The following CTNND2 variants were observed in gnomAD, a reference collection of about 807,000 sequenced individuals.
The protein encoded by CTNND2 is catenin delta 2.
Under a neutral mutation model 144.4 loss-of-function variants are expected in CTNND2, and 22 were observed. The ratio of observed to expected loss-of-function variants is 0.15; its 90% CI spans 0.11 to 0.22. The LOEUF is 0.22. Among genes scored for constraint, CTNND2 ranks in the 10% least tolerant of loss-of-function variants. CTNND2 has a pLI of 1.00. For missense variants in CTNND2, 1,353 were observed against 1,618.8 expected (o/e 0.84, Z 2.82); for synonymous variants, 751 against 695.6 (o/e 1.08, Z -1.25).
At chr5:11,646,378 G>C (rs1782352733) in intron 2 of CTNND2, among the ~76,000 whole-genome samples, 1 of 152,196 alleles carries the variant, frequency 6.6e-6, no homozygotes. Context: ...CAAGACGGCA[G>C]ACAGCAAAGC....
chr5:11,501,165 C>G (rs377001928), intron 3 of CTNND2, among the ~76,000 whole-genome samples: 2 of 152,294 alleles, frequency 1.3e-5, no homozygotes, highest in South Asian at 2.1e-4. Context: ...AATATGGTTA[C>G]AAACACAGCT....
intron 2 of CTNND2, among the ~76,000 whole-genome samples, chr5:11,605,638 T>C (rs1285137916): frequency 6.6e-6 from 1 of 152,126 alleles, no homozygotes; most frequent in Non-Finnish European, 1.5e-5. Flanking sequence ...ATAGGAGTCA[T>C]AAAGAAATAG....
intron 12 of CTNND2, among the ~76,000 whole-genome samples, chr5:11,145,532 CAACT>C (rs971787398): frequency 5.9e-5 from 9 of 152,168 alleles, no homozygotes; most frequent in Non-Finnish European, 2.9e-5. Flanking sequence ...AAGACAGTGG[CAACT>C]AACTGAGGTT....
chr5:10,992,042 C>G (rs113468186), intron 19 of CTNND2, among the ~76,000 whole-genome samples: 5 of 152,062 alleles, frequency 3.3e-5, no homozygotes, highest in African/African-American at 1.2e-4. Flanking sequence ...CTCAGCCTCC[C>G]GAGTAGCTGG....
rs185395287 is a variant in CTNND2 at position 11,885,661 on chromosome 5, C to T, written c.37+18156G>A. 1.2e-3 allele frequency among the ~76,000 whole-genome samples: 186 copies of T among 152,224 alleles called. 1 individual carries two copies. Among genetic ancestry groups the T allele is most frequent in the Middle Eastern group, 3.4e-3 (1 of 294 alleles). On this transcript the variant is annotated intron_variant, in intron 1 of 21. Coordinates refer to ENST00000304623, the MANE Select transcript of CTNND2 (RefSeq NM_001332.4). The stretch of plus-strand genomic sequence containing the variant: ...AAACAAACACTGGAGTTAAACTACC[C>T]TCTGAACCAAACAGACCTAACTGAC...
chr5:11,846,322 C>T (rs974975930), intron 1 of CTNND2, among the ~76,000 whole-genome samples: 1 of 152,104 alleles, frequency 6.6e-6, no homozygotes, highest in African/African-American at 2.4e-5. Context: ...CAATCTTTGA[C>T]TTCATACTGT....
Position 11,404,961 on chromosome 5 carries a change from T to C in CTNND2, c.439+6575A>G, listed in dbSNP as rs1760974098. On this transcript the variant is annotated intron_variant, in intron 5 of 21. Coordinates refer to ENST00000304623, the MANE Select transcript of CTNND2 (RefSeq NM_001332.4). Reference sequence around the variant, plus strand: ...GAAATCCCTCAATACATCTTCATAATGTGTTACTGAGAGAGTCCTCTCCTT... The same window carrying C: ...GAAATCCCTCAATACATCTTCATAACGTGTTACTGAGAGAGTCCTCTCCTT... 2.0e-5 allele frequency among the ~76,000 whole-genome samples: 3 copies of C among 152,276 alleles called. No homozygotes were observed. The East Asian group carries it at 5.8e-4, about 29-fold the overall frequency.
chr5:11,670,111 G>A (rs2467001), intron 2 of CTNND2, among the ~76,000 whole-genome samples: 11,030 of 152,152 alleles, frequency 0.072, 1,348 homozygotes, highest in African/African-American at 0.25. Flanking sequence ...TGCGGTCTGA[G>A]TAACAGTTTG....
intron 1 of CTNND2, among the ~76,000 whole-genome samples, chr5:11,809,787 C>T (rs1341863115): frequency 6.6e-6 from 1 of 152,196 alleles, no homozygotes; most frequent in African/African-American, 2.4e-5. Context: ...TTGTCAAATG[C>T]ATGGTGCAGC....
chr5:10,979,010 G>A (rs535053341), intron 21 of CTNND2, among the ~76,000 whole-genome samples: 8 of 152,274 alleles, frequency 5.3e-5, no homozygotes, highest in South Asian at 2.1e-4. Flanking sequence ...ATGTCAGGGC[G>A]TTTCTTCAAT....
At chr5:11,500,568 C>G (rs763144856) in intron 3 of CTNND2, among the ~76,000 whole-genome samples, 5 of 152,084 alleles carry the variant, frequency 3.3e-5, no homozygotes, top group Non-Finnish European at 5.9e-5. Flanking sequence ...CCAAAAATAC[C>G]TAATCAAAAG....
chr5:11,433,128 C>T (rs1042021382), intron 3 of CTNND2, among the ~76,000 whole-genome samples: 2 of 151,902 alleles, frequency 1.3e-5, no homozygotes, highest in East Asian at 1.9e-4. Flanking sequence ...AGCCTGTAGT[C>T]CCAGCTACTT....
At chr5:11,261,226 A>G (rs1744826508) in intron 9 of CTNND2, among the ~76,000 whole-genome samples, 1 of 152,224 alleles carries the variant, frequency 6.6e-6, no homozygotes, top group Non-Finnish European at 1.5e-5. Flanking sequence ...CATTAGTGAC[A>G]GTGATATTGG....
intron 18 of CTNND2, among the ~76,000 whole-genome samples, chr5:11,005,598 G>T (rs1175510829): frequency 6.6e-6 from 1 of 152,150 alleles, no homozygotes; most frequent in Non-Finnish European, 1.5e-5. Context: ...AAGAAAGAAG[G>T]AAGTATTAGT....
rs1290383892 is a variant in CTNND2 at position 11,345,782 on chromosome 5, G to GA, written c.1628+589dup. Among the ~76,000 whole-genome samples the GA allele has an allele frequency of 2.9e-3, 420 of 143,796 alleles. 6 individuals are homozygous for GA. The highest frequency in any genetic ancestry group is 9.2e-3 in the African/African-American group (354 of 38,674). 94.3% of individuals were successfully genotyped at this position (143,796 alleles called of 152,430 possible). The stretch of plus-strand genomic sequence containing the variant: ...GCCACTGATGGAAAAAAGAAAGAAA[G>GA]AAAGAAAAAACAGCAACAACAACCA... On this transcript the variant is annotated intron_variant, in intron 9 of 21. Transcript: ENST00000304623.
chr5:11,166,967 G>T (rs2149780707), intron 11 of CTNND2, among the ~76,000 whole-genome samples: 1 of 152,304 alleles, frequency 6.6e-6, no homozygotes, highest in Non-Finnish European at 1.5e-5. Flanking sequence ...TGTAATAACA[G>T]CTCCTTAGGC....
intron 2 of CTNND2, among the ~76,000 whole-genome samples, chr5:11,729,349 A>T (rs9885508): frequency 0.096 from 14,585 of 152,166 alleles, 1,463 homozygotes; most frequent in African/African-American, 0.26. Context: ...GTAAAACACA[A>T]ATGCTAATCA....
intron 13 of CTNND2, among the ~76,000 whole-genome samples, chr5:11,114,594 C>T (rs1199804866): frequency 6.6e-6 from 1 of 152,126 alleles, no homozygotes; most frequent in African/African-American, 2.4e-5. Context: ...CCATTGCTGT[C>T]AGCAGTGCTT....
At position 11,747,227 on chromosome 5, in the gene CTNND2, T is replaced by C. The variant is rs73743223; in HGVS notation, c.38-14955A>G. Among the ~76,000 whole-genome samples, 1,104 of 152,284 alleles carry C rather than the reference T, an allele frequency of 7.2e-3. 7 individuals carry two copies. The highest frequency in any genetic ancestry group is 0.025 in the African/African-American group (1,042 of 41,568). On this transcript the variant is annotated intron_variant, in intron 1 of 21. Transcript: ENST00000304623. ...CAAGCTACAGGGACACTTATCCTTA[T>C]GCCAGAAAAATAAAGTCTGGGATTC...
Sources: gnomAD v4.1 joint callset for allele counts (sites outside exome capture counted in the v4.1 genomes callset) on GRCh38, gnomAD v4.1.1 for gene constraint, MANE v1.5 for transcripts, NCBI Gene and HGNC (gene_info 2026-07-23, HGNC 2026-07-21) for gene names.